TRPM7: variants seen among roughly 807,000 people sequenced by gnomAD.
The protein encoded by TRPM7 is transient receptor potential cation channel subfamily M member 7, also known as LTRPC ion channel family member 7.
A neutral mutation model predicts 229.7 loss-of-function variants in TRPM7; 134 were observed. The observed-to-expected ratio is 0.58, with a 90% confidence interval of 0.51 to 0.67. TRPM7 has a LOEUF of 0.67. Ranked by LOEUF, TRPM7 falls within the 30% of genes least tolerant of loss-of-function variation. The probability of loss-of-function intolerance (pLI) is 0.00; values close to 1 mark genes in which losing one functional copy is unlikely to be tolerated. For missense variants in TRPM7, 1,901 were observed against 2,210.0 expected, an observed-to-expected ratio of 0.86 and a Z score of 2.80; for synonymous variants, 699 against 715.2, an observed-to-expected ratio of 0.98 and a Z score of 0.36.
intron 3 of TRPM7, among the ~76,000 whole-genome samples, chr15:50,650,888 T>C (rs2061404224): frequency 2.0e-5 from 3 of 152,164 alleles, no homozygotes; most frequent in African/African-American, 4.8e-5. Context: ...TCAGCATGCA[T>C]GAAAAATTCC....
At chr15:50,648,579 T>C (rs967032953) in intron 4 of TRPM7, 108 bp downstream of exon 4, 19 of 926,946 alleles carry the variant, frequency 2.0e-5, no homozygotes, top group African/African-American at 2.0e-4. Context: ...CTTTAAAATA[T>C]ACAAATAAAT....
chr15:50,605,996 CCTT>C (rs1241541328), intron 20 of TRPM7, among the ~76,000 whole-genome samples: 1 of 151,950 alleles, frequency 6.6e-6, no homozygotes, highest in East Asian at 1.9e-4. Flanking sequence ...AAGTACAACA[CCTT>C]CTAATTATTT....
At chr15:50,677,247 A>G (rs1434557617) in intron 1 of TRPM7, among the ~76,000 whole-genome samples, 2 of 152,100 alleles carry the variant, frequency 1.3e-5, no homozygotes, top group South Asian at 2.1e-4. Context: ...TTCTAAGGAC[A>G]TAAATCCTAT....
intron 1 of TRPM7, among the ~76,000 whole-genome samples, chr15:50,669,191 C>A (rs1342491526): frequency 6.6e-6 from 1 of 152,182 alleles, no homozygotes; most frequent in Non-Finnish European, 1.5e-5. Flanking sequence ...CCTGTAATCA[C>A]AGCACATTGG....
intron 29 of TRPM7, among the ~76,000 whole-genome samples, chr15:50,581,865 T>C (rs2054429543): frequency 6.6e-6 from 1 of 152,190 alleles, no homozygotes; most frequent in Non-Finnish European, 1.5e-5. Flanking sequence ...TCCATCTGAC[T>C]ATGTAGTTTA....
intron 1 of TRPM7, among the ~76,000 whole-genome samples, chr15:50,672,106 G>A (rs1175464883): frequency 6.6e-6 from 1 of 152,048 alleles, no homozygotes; most frequent in Non-Finnish European, 1.5e-5. Context: ...CCAGGCTGGA[G>A]TGCAGTGGCA....
At chr15:50,664,103 T>G (rs1008106632) in intron 1 of TRPM7, among the ~76,000 whole-genome samples, 13 of 151,842 alleles carry the variant, frequency 8.6e-5, no homozygotes, top group Admixed American at 3.9e-4. Flanking sequence ...ACCAAGACCA[T>G]CCTGGCCAAC....
At chr15:50,677,418 C>CA (rs2062117918) in intron 1 of TRPM7, among the ~76,000 whole-genome samples, 1 of 143,584 alleles carries the variant, frequency 7.0e-6, no homozygotes, top group African/African-American at 2.5e-5. Flanking sequence ...ACAACAACAA[C>CA]ACACACACAC....
At chr15:50,574,201 G>T in intron 36 of TRPM7, 73 bp downstream of exon 36, 4 of 1,187,524 alleles carry the variant, frequency 3.4e-6, no homozygotes, top group Non-Finnish European at 4.9e-6. Context: ...TAAATTAGCA[G>T]ATTCTGTATA....
intron 8 of TRPM7, among the ~76,000 whole-genome samples, 200 bp downstream of exon 8, chr15:50,634,182 G>T (rs140149369): frequency 1.4e-4 from 21 of 152,040 alleles, no homozygotes; most frequent in African/African-American, 4.6e-4. Flanking sequence ...TTAGCCAGAC[G>T]TGGTGGCTCA....
chr15:50,574,848 T>G lies in TRPM7; in HGVS notation c.5019+4A>C. On this transcript the variant is annotated splice_donor_region_variant and intron_variant, in intron 34 of 38. Coordinates refer to ENST00000646667, the MANE Select transcript of TRPM7 (RefSeq NM_017672.6). ...TCCACTATTAAATATTCACTGACAC[T>G]TACTCTCAGACAGAGATGCAGAACT... 6.2e-7 allele frequency: 1 copy of G among 1,607,278 alleles called. No individual in the cohort carries two copies. The highest frequency in any genetic ancestry group is 1.1e-5 in the South Asian group (1 of 90,392).
chr15:50,664,308 CAAA>C (rs36108092), intron 1 of TRPM7, among the ~76,000 whole-genome samples: 2 of 58,920 alleles, frequency 3.4e-5, no homozygotes, highest in African/African-American at 1.2e-4. Flanking sequence ...GACTCCGTCT[CAAA>C]AAAAAAAAAA....
At chr15:50,662,054 C>T (rs1306902517) in intron 2 of TRPM7, among the ~76,000 whole-genome samples, 2 of 152,140 alleles carry the variant, frequency 1.3e-5, no homozygotes, top group East Asian at 3.9e-4. Flanking sequence ...CCTGTTTCTA[C>T]TAAAAATACA....
intron 6 of TRPM7, 107 bp from the exon 7 acceptor site, chr15:50,637,700 T>G: frequency 2.0e-6 from 2 of 979,092 alleles, no homozygotes; most frequent in South Asian, 3.7e-5. Context: ...AAATTCTATT[T>G]TACATACAGA....
At chr15:50,590,824 T>C (rs1356940991) in intron 26 of TRPM7, among the ~76,000 whole-genome samples, 3 of 111,922 alleles carry the variant, frequency 2.7e-5, no homozygotes, top group Non-Finnish European at 4.1e-5. Context: ...ACTCCGTCTT[T>C]TAAAAAAAAA....
chr15:50,636,547 G>A (rs545402893), intron 7 of TRPM7, among the ~76,000 whole-genome samples: 13 of 152,132 alleles, frequency 8.5e-5, no homozygotes, highest in Non-Finnish European at 1.9e-4. Context: ...ACACTGTTCT[G>A]TAGTTTTTTT....
intron 26 of TRPM7, among the ~76,000 whole-genome samples, chr15:50,591,690 G>T (rs2059497392): frequency 6.6e-6 from 1 of 151,930 alleles, no homozygotes; most frequent in South Asian, 2.1e-4. Flanking sequence ...TAGAGATGGG[G>T]TCTTGCTATG....
intron 19 of TRPM7, among the ~76,000 whole-genome samples, chr15:50,609,206 T>C (rs1596180847): frequency 6.6e-6 from 1 of 152,316 alleles, no homozygotes; most frequent in Middle Eastern, 3.4e-3. Context: ...AACAGGTTTA[T>C]TTCTAGACTT....
At chr15:50,593,855 T>C (rs2059567012) in intron 24 of TRPM7, 106 bp from the exon 25 acceptor site, 1 of 1,135,422 alleles carries the variant, frequency 8.8e-7, no homozygotes, top group Non-Finnish European at 1.2e-6. Context: ...ACATCCATCA[T>C]CTGCACTTTT....
Sources: gnomAD v4.1 joint callset for allele counts (sites outside exome capture counted in the v4.1 genomes callset) on GRCh38, gnomAD v4.1.1 for gene constraint, MANE v1.5 for transcripts, NCBI Gene and HGNC (gene_info 2026-07-23, HGNC 2026-07-21) for gene names.